The following NKD1 variants were observed in gnomAD, a reference collection of about 807,000 sequenced individuals.
NKD1 encodes protein naked cuticle homolog 1.
In NKD1, 21 loss-of-function variants were observed where a neutral mutation model predicts 56.0. The observed-to-expected ratio is 0.38, with a 90% CI of 0.27 to 0.54. The LOEUF is 0.54. Among genes scored for constraint, NKD1 ranks in the 20% least tolerant of loss-of-function variants. The pLI, the probability that NKD1 is intolerant of heterozygous loss-of-function variation, is 0.82. For synonymous variants in NKD1, 263 were observed against 265.7 expected, an observed-to-expected ratio of 0.99 and a Z score of 0.10; for missense variants, 578 against 642.7, an observed-to-expected ratio of 0.90 and a Z score of 1.09.
At chr16:50,592,770 G>A (rs949119954) in intron 3 of NKD1, among the ~76,000 whole-genome samples, 6 of 151,798 alleles carry the variant, frequency 4.0e-5, no homozygotes, top group Non-Finnish European at 7.4e-5. Context: ...ACAGAGGGTG[G>A]TGATGGGGAG....
rs1299345481 is a variant in NKD1, at chr16:50,548,695, C to A, written c.26-22C>A. On this transcript the variant is annotated intron_variant, in intron 1 of 9. Transcript: ENST00000268459. ...GCCGCCGCGGCTGCCGCCGCCGCCGCCGCCTCGCGATGTGCCTGCAGCCGC... is the reference window on the plus strand; with the variant it reads ...GCCGCCGCGGCTGCCGCCGCCGCCGACGCCTCGCGATGTGCCTGCAGCCGC... The A allele has an allele frequency of 1.6e-5, 24 of 1,465,936 alleles. No individual in the cohort carries two copies. The South Asian group carries it at 2.9e-4, about 18-fold the overall frequency. The allele number at this position is 1,465,936 out of a possible 1,614,324, so 90.8% of individuals were successfully genotyped here. A position where few individuals can be genotyped will look rare whatever the true frequency, so the allele number is the denominator to read the frequency against.
intron 3 of NKD1, among the ~76,000 whole-genome samples, chr16:50,562,993 C>T (rs7498482): frequency 3.9e-5 from 5 of 129,508 alleles, no homozygotes; most frequent in South Asian, 2.9e-4. Flanking sequence ...ACCACCCCCC[C>T]CCCCCGCCGT....
At chr16:50,591,894 G>A (rs1403079255) in intron 3 of NKD1, among the ~76,000 whole-genome samples, 1 of 152,244 alleles carries the variant, frequency 6.6e-6, no homozygotes, top group African/African-American at 2.4e-5. Context: ...AAATAGGTGG[G>A]GTGGCTGCCC....
chr16:50,551,483 A>C (rs1960383755), intron 3 of NKD1, among the ~76,000 whole-genome samples: 1 of 152,240 alleles, frequency 6.6e-6, no homozygotes, highest in African/African-American at 2.4e-5. Context: ...CGCAGCCATC[A>C]AAGTTGTTAT....
rs917891995 is a variant in NKD1, at chr16:50,640,520, C to A, written c.*6739C>A. On this transcript the variant is annotated 3_prime_UTR_variant, in exon 10 of 10. Coordinates refer to ENST00000268459, the MANE Select transcript of NKD1 (RefSeq NM_033119.5). ...TTCCTCCTGGTCTGTAAAGCCCCTG[C>A]AGGCAGGGACTTCTTAGATAGCTGC... 1.3e-5 allele frequency: 2 copies of A among 152,152 alleles called. No individual in the cohort carries two copies. Among genetic ancestry groups the A allele is most frequent in the African/African-American group, 2.4e-5 (1 of 41,394 alleles). 9.4% of individuals were successfully genotyped at this position (152,152 alleles called of 1,614,324 possible). A position where few individuals can be genotyped will look rare whatever the true frequency, so the allele number is the denominator to read the frequency against.
At chr16:50,601,600 CG>C (rs1467373454) in intron 3 of NKD1, among the ~76,000 whole-genome samples, 1 of 152,144 alleles carries the variant, frequency 6.6e-6, no homozygotes, top group Non-Finnish European at 1.5e-5. Context: ...GAGAAGCTGC[CG>C]ATGAGATGAG....
At chr16:50,631,178 T>A (rs11640716) in intron 8 of NKD1, among the ~76,000 whole-genome samples, 5 of 151,994 alleles carry the variant, frequency 3.3e-5, no homozygotes, top group African/African-American at 1.2e-4. Context: ...CATCAGGCTC[T>A]GACGTGTTGC....
At chr16:50,608,549 A>G in intron 4 of NKD1, 189 bp downstream of exon 4, 1 of 622,712 alleles carries the variant, frequency 1.6e-6, no homozygotes, top group Non-Finnish European at 2.9e-6. Flanking sequence ...GTGGTACTTC[A>G]TAGGTCCAAG....
chr16:50,581,415 C>A (rs1961113166), intron 3 of NKD1, among the ~76,000 whole-genome samples: 1 of 152,236 alleles, frequency 6.6e-6, no homozygotes, highest in African/African-American at 2.4e-5. Context: ...CCAGGGAGTC[C>A]TTTGGCAAAC....
intron 3 of NKD1, among the ~76,000 whole-genome samples, chr16:50,602,721 G>A (rs1466911150): frequency 6.6e-6 from 1 of 152,202 alleles, no homozygotes; most frequent in East Asian, 1.9e-4. Context: ...CTGTGTACAG[G>A]TAGCAGCACA....
At chr16:50,612,490 C>T (rs1394625439) in intron 4 of NKD1, among the ~76,000 whole-genome samples, 2 of 152,214 alleles carry the variant, frequency 1.3e-5, no homozygotes, top group Non-Finnish European at 2.9e-5. Flanking sequence ...TAGGCAGGCC[C>T]AGCAGTCACG....
intron 3 of NKD1, among the ~76,000 whole-genome samples, chr16:50,554,955 G>A (rs547395452): frequency 6.6e-6 from 1 of 152,224 alleles, no homozygotes; most frequent in Admixed American, 6.5e-5. Flanking sequence ...TCCCTAACTG[G>A]GCCAGGCTCT....
intron 3 of NKD1, among the ~76,000 whole-genome samples, chr16:50,580,687 T>C (rs1961098754): frequency 1.3e-5 from 2 of 152,298 alleles, no homozygotes; most frequent in East Asian, 3.9e-4. Context: ...AATGAGGAAT[T>C]TCACTCAGAA....
At chr16:50,581,567 C>G (rs1303096927) in intron 3 of NKD1, among the ~76,000 whole-genome samples, 3 of 152,280 alleles carry the variant, frequency 2.0e-5, no homozygotes, top group African/African-American at 7.2e-5. Flanking sequence ...TTTCCCTTTG[C>G]TAAGGCTTTG....
intron 4 of NKD1, among the ~76,000 whole-genome samples, chr16:50,608,748 T>C (rs752723910): frequency 1.6e-4 from 24 of 152,210 alleles, no homozygotes; most frequent in Non-Finnish European, 2.6e-4. Context: ...GTGCCTATTC[T>C]GTTTCCTCCA....
chr16:50,557,246 A>G (rs1960522812), intron 3 of NKD1: 1 of 152,268 alleles, frequency 6.6e-6, no homozygotes, highest in Admixed American at 6.5e-5. Context: ...TTTTGAGAAC[A>G]TGTACCAGGG....
At chr16:50,564,226 T>A (rs975051009) in intron 3 of NKD1, among the ~76,000 whole-genome samples, 1 of 152,364 alleles carries the variant, frequency 6.6e-6, no homozygotes, top group East Asian at 1.9e-4. Flanking sequence ...TCTAGATGGT[T>A]GGATCAGAGC....
chr16:50,626,033 C>T (rs533789702), intron 6 of NKD1, among the ~76,000 whole-genome samples: 20 of 152,350 alleles, frequency 1.3e-4, no homozygotes, highest in African/African-American at 4.3e-4. Flanking sequence ...GGCCACACAG[C>T]GCCTTGTTTT....
At chr16:50,604,574 A>G (rs1477129228) in intron 3 of NKD1, among the ~76,000 whole-genome samples, 2 of 152,074 alleles carry the variant, frequency 1.3e-5, no homozygotes, top group Non-Finnish European at 2.9e-5. Context: ...CCCCCTCCAG[A>G]TATCCTTATT....
Sources: allele counts gnomAD v4.1 joint callset (sites outside exome capture counted in the v4.1 genomes callset), GRCh38; gene constraint gnomAD v4.1.1; transcripts MANE v1.5; gene names NCBI Gene and HGNC (gene_info 2026-07-23, HGNC 2026-07-21).